SH3PXD2A: variants seen among roughly 807,000 people sequenced by gnomAD.
SH3PXD2A encodes the protein SH3 and PX domains 2A.
SH3PXD2A carries 32 observed loss-of-function variants against 115.2 expected under a neutral mutation model. The observed-to-expected ratio is 0.28, with a 90% CI of 0.21 to 0.37. The LOEUF is 0.37. Among genes scored for constraint, SH3PXD2A ranks in the 10% least tolerant of loss-of-function variants. SH3PXD2A has a pLI of 1.00. For synonymous variants in SH3PXD2A, 610 were observed against 629.1 expected (o/e 0.97, Z 0.45); for missense variants, 1,328 against 1,498.7 (o/e 0.89, Z 1.88).
intron 8 of SH3PXD2A, among the ~76,000 whole-genome samples, chr10:103,628,869 A>C (rs2036737106): frequency 6.6e-6 from 1 of 152,220 alleles, no homozygotes; most frequent in South Asian, 2.1e-4. Flanking sequence ...CTCTTGCTCC[A>C]AACCCTGTGT....
intron 5 of SH3PXD2A, among the ~76,000 whole-genome samples, chr10:103,706,137 C>A (rs1314080216): frequency 1.3e-5 from 2 of 152,214 alleles, no homozygotes; most frequent in Non-Finnish European, 2.9e-5. Context: ...GTGACCCGCA[C>A]AGTGGGTCAC....
chr10:103,660,285 C>CTGCCT (rs2037274108), intron 8 of SH3PXD2A, among the ~76,000 whole-genome samples: 4 of 152,168 alleles, frequency 2.6e-5, no homozygotes, highest in African/African-American at 9.7e-5. Context: ...TCTTCACCTG[C>CTGCCT]CATGACTCCT....
intron 3 of SH3PXD2A, among the ~76,000 whole-genome samples, chr10:103,740,178 A>G: frequency 6.6e-6 from 1 of 152,178 alleles, no homozygotes. Flanking sequence ...ACCTTGAAGC[A>G]AGTACTTTAA....
intron 1 of SH3PXD2A, among the ~76,000 whole-genome samples, chr10:103,832,687 G>A (rs573180953): frequency 2.4e-4 from 36 of 152,276 alleles, no homozygotes; most frequent in African/African-American, 7.7e-4. Flanking sequence ...CTTACTCATA[G>A]GTGGGAATTG....
Position 103,622,524 on chromosome 10 carries a change from G to C in SH3PXD2A, c.748C>G (p.Arg250Gly). The change falls in exon 10 of 15, where the codon CGC (arginine) becomes GGC (glycine). Residue 250 changes from arginine (R) to glycine (G), a missense_variant. Physicochemically the swap from Arg to Gly is moderately radical, Grantham distance 125. Around this residue, in one of 5 missense-constraint regions of SH3PXD2A, gnomAD observed 509 missense variants for 628.3 expected, o/e 0.81. Coordinates refer to ENST00000369774, the MANE Select transcript of SH3PXD2A (RefSeq NM_001394015.1). ...VSKRRKAHLR[R>G]LDRRWTLGGM... ...CCCAGGGTCCACCGGCGATCCAGGC[G>C]CCGCAGATGGGCCTTGCGTCTCTTG... is the stretch of plus-strand genomic sequence containing the variant. 6.5e-7 allele frequency: 1 copy of C among 1,550,328 alleles called. No individual in the cohort carries two copies. The highest frequency in any genetic ancestry group is 8.7e-7 in the Non-Finnish European group (1 of 1,146,850).
Position 103,627,272 on chromosome 10 carries a change from G to A in SH3PXD2A, c.605-70C>T, listed in dbSNP as rs2036712321. 1 of 881,408 alleles carries A rather than the reference G, an allele frequency of 1.1e-6. No homozygotes were observed. Among genetic ancestry groups the A allele is most frequent in the South Asian group, 1.4e-5 (1 of 72,274 alleles). The allele number at this position is 881,408 out of a possible 1,614,324, so 54.6% of individuals were successfully genotyped here. A position where few individuals can be genotyped will look rare whatever the true frequency, so the allele number is the denominator to read the frequency against. ...GTGGCAGGGGTGGCTCGGGGGCCAG[G>A]ACAAGGATGGAAGGAGAGGCACAAG... On this transcript the variant is annotated intron_variant, in intron 8 of 14. Transcript: ENST00000369774. This position sits in a 1 kb window ranked among gnomAD's most constrained non-coding sequence, Gnocchi z 4.4.
intron 5 of SH3PXD2A, among the ~76,000 whole-genome samples, chr10:103,723,249 C>T (rs945993611): frequency 7.2e-5 from 11 of 152,178 alleles, no homozygotes; most frequent in Admixed American, 2.0e-4. Flanking sequence ...CTCACCCATC[C>T]GGTACTTTAA....
chr10:103,849,051 G>A (rs947313964), intron 1 of SH3PXD2A, among the ~76,000 whole-genome samples: 4 of 143,640 alleles, frequency 2.8e-5, no homozygotes, highest in Non-Finnish European at 6.0e-5. Context: ...GGTGGGGCCA[G>A]GATATCCCAA....
At chr10:103,742,157 A>C (rs1241695144) in intron 3 of SH3PXD2A, among the ~76,000 whole-genome samples, 2 of 152,168 alleles carry the variant, frequency 1.3e-5, no homozygotes, top group African/African-American at 4.8e-5. Context: ...AAATCAAACA[A>C]CAACCCAGGA....
At chr10:103,828,269 C>T (rs546253263) in intron 1 of SH3PXD2A, among the ~76,000 whole-genome samples, 3 of 152,294 alleles carry the variant, frequency 2.0e-5, no homozygotes, top group South Asian at 2.1e-4. Context: ...AGAGTCCATT[C>T]TCCACACCTG....
chr10:103,671,686 C>G (rs2037462090), intron 6 of SH3PXD2A, among the ~76,000 whole-genome samples: 1 of 152,104 alleles, frequency 6.6e-6, no homozygotes, highest in South Asian at 2.1e-4. Flanking sequence ...GGCCCTCCAG[C>G]CAGGAGGCAG....
At chr10:103,708,438 C>T (rs2038007750) in intron 5 of SH3PXD2A, among the ~76,000 whole-genome samples, 1 of 152,156 alleles carries the variant, frequency 6.6e-6, no homozygotes, top group Admixed American at 6.5e-5. Context: ...AAACCCCAGG[C>T]AGTCACCCTA....
At chr10:103,810,115 T>C (rs963464355) in intron 1 of SH3PXD2A, among the ~76,000 whole-genome samples, 1 of 152,196 alleles carries the variant, frequency 6.6e-6, no homozygotes, top group Non-Finnish European at 1.5e-5. Flanking sequence ...TTGGAGGCTC[T>C]TGTGAGGATT....
chr10:103,801,153 TG>T, intron 2 of SH3PXD2A, 128 bp downstream of exon 2: 1 of 635,068 alleles, frequency 1.6e-6, no homozygotes, highest in Non-Finnish European at 2.9e-6. Flanking sequence ...TTCCCTCCTC[TG>T]TCCCTCTGCT....
chr10:103,619,174 C>T (rs1293759144), intron 10 of SH3PXD2A, among the ~76,000 whole-genome samples: 3 of 152,226 alleles, frequency 2.0e-5, no homozygotes, highest in African/African-American at 4.8e-5. Context: ...AGCCATGCTT[C>T]AGACTGCTGC....
chr10:103,636,451 C>A (rs1212690611), intron 8 of SH3PXD2A, among the ~76,000 whole-genome samples: 6 of 150,692 alleles, frequency 4.0e-5, no homozygotes, highest in African/African-American at 1.5e-4. Flanking sequence ...AACTGAGGCA[C>A]AGATTGACAT....
intron 4 of SH3PXD2A, among the ~76,000 whole-genome samples, chr10:103,733,539 A>T (rs2038347721): frequency 6.6e-6 from 1 of 152,240 alleles, no homozygotes; most frequent in Non-Finnish European, 1.5e-5. Flanking sequence ...AATGCCTGTT[A>T]AAGAGAAAAA....
intron 3 of SH3PXD2A, among the ~76,000 whole-genome samples, chr10:103,747,387 C>T (rs71471298): frequency 0.1 from 15,276 of 152,094 alleles, 885 homozygotes; most frequent in Non-Finnish European, 0.12. Flanking sequence ...CTGTGGGAGC[C>T]GGGAATAAAG....
rs562459208 is a variant in SH3PXD2A, at chr10:103,633,461, G to A, written c.605-6259C>T. Among the ~76,000 whole-genome samples the A allele has an allele frequency of 1.6e-4, 24 of 151,874 alleles. 1 individual carries two copies. Among genetic ancestry groups the A allele is most frequent in the South Asian group, 8.3e-4 (4 of 4,804 alleles). ...AAAAACGCTGGGCGTGGTGGCTCAC[G>A]GCTGTAATCCCTGTAGCACTTTGGA... On this transcript the variant is annotated intron_variant, in intron 8 of 14. Coordinates refer to ENST00000369774, the MANE Select transcript of SH3PXD2A (RefSeq NM_001394015.1).
Sources: allele counts gnomAD v4.1 joint callset (sites outside exome capture counted in the v4.1 genomes callset), GRCh38; gene constraint gnomAD v4.1.1; regional missense constraint gnomAD v4.1.1; non-coding constraint Gnocchi (gnomAD v3.1); transcripts MANE v1.5; gene names NCBI Gene and HGNC (gene_info 2026-07-23, HGNC 2026-07-21).